ELOVL7: variants seen among roughly 807,000 people sequenced by gnomAD.
ELOVL7 encodes the protein ELOVL fatty acid elongase 7.
Under a neutral mutation model 35.7 loss-of-function variants are expected in ELOVL7, and 27 were observed. That is an observed-to-expected ratio of 0.76 (90% confidence interval 0.56 to 1.04). ELOVL7 has a LOEUF of 1.04. Ranked by LOEUF, ELOVL7 falls within the 50% of genes least tolerant of loss-of-function variation. The pLI, the probability that ELOVL7 is intolerant of heterozygous loss-of-function variation, is 0.00. For missense variants in ELOVL7, 327 were observed against 340.8 expected (o/e 0.96, Z 0.32); for synonymous variants, 113 against 114.6 (o/e 0.99, Z 0.09).
intron 1 of ELOVL7, among the ~76,000 whole-genome samples, chr5:60,831,616 CGTGA>C (rs1201212442): frequency 1.3e-5 from 2 of 152,188 alleles, no homozygotes; most frequent in African/African-American, 4.8e-5. Flanking sequence ...ATCCACAATT[CGTGA>C]GTTATCAAGA....
intron 1 of ELOVL7, among the ~76,000 whole-genome samples, chr5:60,843,885 G>A (rs1047345893): frequency 1.3e-5 from 2 of 152,034 alleles, no homozygotes; most frequent in African/African-American, 4.8e-5. Flanking sequence ...GGTGAGCGCC[G>A]CGGCCCCGCG....
intron 7 of ELOVL7, among the ~76,000 whole-genome samples, chr5:60,762,413 A>T (rs564220934): frequency 6.6e-6 from 1 of 152,186 alleles, no homozygotes; most frequent in South Asian, 2.1e-4. Context: ...CAAACATAGA[A>T]GTTAGAAAAA....
chr5:60,777,959 A>G (rs1158193399), intron 3 of ELOVL7, among the ~76,000 whole-genome samples: 1 of 152,264 alleles, frequency 6.6e-6, no homozygotes, highest in Non-Finnish European at 1.5e-5. Context: ...TGCACAAAAT[A>G]GAAATTAAAC....
chr5:60,764,548 C>CA (rs1742121128), intron 6 of ELOVL7, among the ~76,000 whole-genome samples: 1 of 151,896 alleles, frequency 6.6e-6, no homozygotes, highest in East Asian at 1.9e-4. Context: ...TACATGGAAA[C>CA]ACCAATAAAA....
At position 60,754,157 on chromosome 5, in the gene ELOVL7, C is replaced by T. The variant is rs1272148065; in HGVS notation, c.*467G>A. 6.3e-6 allele frequency: 1 copy of T among 158,302 alleles called. No homozygotes were observed. The highest frequency in any genetic ancestry group is 1.4e-5 in the Non-Finnish European group (1 of 71,522). 9.8% of individuals were successfully genotyped at this position (158,302 alleles called of 1,614,324 possible). A position where few individuals can be genotyped will look rare whatever the true frequency, so the allele number is the denominator to read the frequency against. The stretch of plus-strand genomic sequence containing the variant: ...GTTAACTCTAGAGCAAATATAGTAT[C>T]TTCTGAATACAGTCAATAAATGACA... On this transcript the variant is annotated 3_prime_UTR_variant, in exon 9 of 9. Coordinates refer to ENST00000508821, the MANE Select transcript of ELOVL7 (RefSeq NM_024930.3).
At chr5:60,828,918 T>G (rs897002130) in intron 1 of ELOVL7, among the ~76,000 whole-genome samples, 7 of 152,190 alleles carry the variant, frequency 4.6e-5, no homozygotes, top group African/African-American at 1.7e-4. Context: ...TTGATGACAT[T>G]AAGTTATTAT....
chr5:60,797,398 T>C (rs1430876940), intron 2 of ELOVL7, among the ~76,000 whole-genome samples: 1 of 152,200 alleles, frequency 6.6e-6, no homozygotes, highest in African/African-American at 2.4e-5. Flanking sequence ...TCACACTGCC[T>C]TGGAAGTAAA....
chr5:60,841,157 C>T (rs1024212058), intron 1 of ELOVL7, among the ~76,000 whole-genome samples: 4 of 151,628 alleles, frequency 2.6e-5, no homozygotes, highest in Non-Finnish European at 5.9e-5. Flanking sequence ...TCCCAAGTAG[C>T]TGGGACTACA....
At chr5:60,814,996 T>G (rs1186146287) in intron 1 of ELOVL7, among the ~76,000 whole-genome samples, 1 of 152,192 alleles carries the variant, frequency 6.6e-6, no homozygotes. Context: ...GCCAGGAAAC[T>G]ATAAGAGGAC....
chr5:60,785,785 C>T (rs892480005), intron 3 of ELOVL7: 1 of 152,106 alleles, frequency 6.6e-6, no homozygotes, highest in African/African-American at 2.4e-5. Context: ...CTATGTATCC[C>T]CTACCACAGT....
In ELOVL7 at chr5:60,801,387, A is replaced by C. The variant is rs374919918; in HGVS notation, c.-85-2157T>G. Among the ~76,000 whole-genome samples, 35 of 152,312 alleles carry C rather than the reference A, an allele frequency of 2.3e-4. 1 individual carries two copies. Among genetic ancestry groups the C allele is most frequent in the African/African-American group, 8.2e-4 (34 of 41,574 alleles). ...GAAGTTAATGTGTCTCCTTGCAGCC[A>C]ATAGGGTCTTACAACTAGAAAACCC... On this transcript the variant is annotated intron_variant, in intron 1 of 8. Transcript: ENST00000508821.
chr5:60,832,992 G>A (rs1413688415), intron 1 of ELOVL7, among the ~76,000 whole-genome samples: 2 of 152,168 alleles, frequency 1.3e-5, no homozygotes, highest in Non-Finnish European at 2.9e-5. Context: ...TTGAGCTTCA[G>A]TTTCTGTACT....
intron 3 of ELOVL7, among the ~76,000 whole-genome samples, chr5:60,774,036 AG>A (rs1208984243): frequency 6.6e-6 from 1 of 152,218 alleles, no homozygotes. Context: ...AAATGACTGA[AG>A]AGTAGGTGGT....
intron 8 of ELOVL7, 47 bp from the exon 9 acceptor site, chr5:60,754,880 A>T: frequency 6.5e-7 from 1 of 1,528,232 alleles, no homozygotes. Context: ...ATGAAGAGTT[A>T]ACAATTCTTT....
chr5:60,793,546 G>A (rs777754315), intron 2 of ELOVL7, among the ~76,000 whole-genome samples: 1 of 152,278 alleles, frequency 6.6e-6, no homozygotes, highest in East Asian at 1.9e-4. Flanking sequence ...ACAGACTCCT[G>A]ATACCCAAGA....
intron 4 of ELOVL7, chr5:60,768,832 G>A: frequency 3.8e-6 from 1 of 263,504 alleles, no homozygotes; most frequent in Non-Finnish European, 7.9e-6. Context: ...TCAGTATAAT[G>A]GTTATATCCT....
At chr5:60,790,093 C>A (rs892712955) in intron 2 of ELOVL7, among the ~76,000 whole-genome samples, 1 of 151,904 alleles carries the variant, frequency 6.6e-6, no homozygotes, top group Non-Finnish European at 1.5e-5. Context: ...GCCAAGATTG[C>A]GCCATTGCAC....
At chr5:60,835,050 C>T (rs1419134408) in intron 1 of ELOVL7, among the ~76,000 whole-genome samples, 2 of 151,538 alleles carry the variant, frequency 1.3e-5, no homozygotes, top group Non-Finnish European at 2.9e-5. Flanking sequence ...ATTAGCCGGG[C>T]GTGGTGGCAC....
rs563517477 is a variant in ELOVL7 at position 60,831,200 on chromosome 5, C to T, written c.-86+12960G>A. On this transcript the variant is annotated intron_variant, in intron 1 of 8. Coordinates refer to ENST00000508821, the MANE Select transcript of ELOVL7 (RefSeq NM_024930.3). Reference sequence around the variant, plus strand: ...CTTTCTAGTGTCTGTCTATAATAATCATGTCCTTATAACATGGATAAAGTC... The same window carrying T: ...CTTTCTAGTGTCTGTCTATAATAATTATGTCCTTATAACATGGATAAAGTC... Among the ~76,000 whole-genome samples, 17 of 152,290 alleles carry T rather than the reference C, an allele frequency of 1.1e-4. No individual in the cohort carries two copies. The East Asian group carries it at 2.3e-3, about 21-fold the overall frequency.
Sources: allele counts gnomAD v4.1 joint callset (sites outside exome capture counted in the v4.1 genomes callset), GRCh38; gene constraint gnomAD v4.1.1; transcripts MANE v1.5; gene names NCBI Gene and HGNC (gene_info 2026-07-23, HGNC 2026-07-21).